The following KIF16B variants were observed in gnomAD, a reference collection of about 807,000 sequenced individuals.
KIF16B encodes the protein kinesin family member 16B.
Under a neutral mutation model 156.3 loss-of-function variants are expected in KIF16B, and 98 were observed. The observed-to-expected ratio is 0.63, with a 90% confidence interval of 0.53 to 0.74. The LOEUF is 0.74. KIF16B is among the 30% of genes least tolerant of loss of function. KIF16B has a pLI of 0.00. For missense variants in KIF16B, 1,421 were observed against 1,606.5 expected (o/e 0.88, Z 1.97); for synonymous variants, 564 against 583.7 (o/e 0.97, Z 0.49).
At chr20:16,446,461 G>A (rs1490235176) in intron 12 of KIF16B, among the ~76,000 whole-genome samples, 1 of 152,078 alleles carries the variant, frequency 6.6e-6, no homozygotes, top group Non-Finnish European at 1.5e-5. Context: ...ATGTTCCCCT[G>A]CACCATCTTG....
At chr20:16,515,009 G>A (rs1555791986) in intron 4 of KIF16B, among the ~76,000 whole-genome samples, 1 of 151,282 alleles carries the variant, frequency 6.6e-6, no homozygotes, top group Non-Finnish European at 1.5e-5. Flanking sequence ...TTTGGGGCAA[G>A]TATAACATTA....
chr20:16,277,701 G>A (rs145579091), intron 25 of KIF16B, among the ~76,000 whole-genome samples: 4 of 152,018 alleles, frequency 2.6e-5, no homozygotes, highest in Non-Finnish European at 4.4e-5. Flanking sequence ...AGGTCAGCAC[G>A]CTTTATAAAA....
At chr20:16,335,722 A>T (rs2122954977) in intron 24 of KIF16B, among the ~76,000 whole-genome samples, 1 of 152,338 alleles carries the variant, frequency 6.6e-6, no homozygotes, top group South Asian at 2.1e-4. Context: ...AAATGTTTAA[A>T]TTGTGTAGAA....
At chr20:16,297,047 T>A (rs76055514) in intron 25 of KIF16B, among the ~76,000 whole-genome samples, 3,673 of 152,328 alleles carry the variant, frequency 0.024, 167 homozygotes, top group African/African-American at 0.084. Flanking sequence ...TCAGTTCTTC[T>A]TGGGACTTGA....
At chr20:16,361,550 A>C (rs2064552910) in intron 22 of KIF16B, among the ~76,000 whole-genome samples, 1 of 152,224 alleles carries the variant, frequency 6.6e-6, no homozygotes, top group Non-Finnish European at 1.5e-5. Flanking sequence ...TGCTACAGAT[A>C]CATCCTGTCC....
At chr20:16,350,766 A>G (rs1226147116) in intron 23 of KIF16B, among the ~76,000 whole-genome samples, 1 of 151,826 alleles carries the variant, frequency 6.6e-6, no homozygotes, top group Admixed American at 6.6e-5. Flanking sequence ...GCACACGGTC[A>G]CTCAGTCATC....
chr20:16,505,031 C>T (rs1296616047), intron 9 of KIF16B, among the ~76,000 whole-genome samples: 1 of 152,190 alleles, frequency 6.6e-6, no homozygotes. Flanking sequence ...TACCACTCAA[C>T]TTTAAGGATT....
intron 23 of KIF16B, among the ~76,000 whole-genome samples, chr20:16,350,273 G>C (rs557470088): frequency 6.6e-6 from 1 of 152,348 alleles, no homozygotes; most frequent in Non-Finnish European, 1.5e-5. Context: ...AGCCATGTGA[G>C]AAAAGGCGGG....
At chr20:16,352,511 G>A (rs2064357262) in intron 23 of KIF16B, among the ~76,000 whole-genome samples, 1 of 152,142 alleles carries the variant, frequency 6.6e-6, no homozygotes, top group African/African-American at 2.4e-5. Flanking sequence ...TGAGCATCTG[G>A]GAACCCCCGT....
intron 22 of KIF16B, among the ~76,000 whole-genome samples, chr20:16,369,732 C>T (rs2064770921): frequency 6.6e-6 from 1 of 152,188 alleles, no homozygotes; most frequent in Admixed American, 6.5e-5. Flanking sequence ...TTTCTCTCTC[C>T]TTTTGGTTTG....
chr20:16,371,883 A>C, intron 20 of KIF16B, 122 bp from the exon 21 acceptor site: 1 of 643,398 alleles, frequency 1.6e-6, no homozygotes, highest in Non-Finnish European at 2.8e-6. Flanking sequence ...CAAACCTAAC[A>C]ACAACTTGAG....
intron 1 of KIF16B, among the ~76,000 whole-genome samples, chr20:16,547,835 G>A (rs1245998954): frequency 1.8e-4 from 28 of 152,328 alleles, no homozygotes; most frequent in Admixed American, 1.7e-3. Flanking sequence ...TCTGGTGCAT[G>A]TCCGGTAAAC....
At chr20:16,340,523 A>G (rs1308345155) in intron 23 of KIF16B, among the ~76,000 whole-genome samples, 3 of 152,216 alleles carry the variant, frequency 2.0e-5, no homozygotes, top group South Asian at 2.1e-4. Context: ...GAAGAGTTGG[A>G]AAGGGGAGCC....
chr20:16,513,684 C>A (rs867722785), intron 4 of KIF16B, among the ~76,000 whole-genome samples: 13 of 142,222 alleles, frequency 9.1e-5, no homozygotes, highest in Non-Finnish European at 1.4e-4. Context: ...AAAAAAAAAA[C>A]CACATGCTAT....
intron 12 of KIF16B, among the ~76,000 whole-genome samples, chr20:16,464,809 ATCCCAACCG>A (rs2067441888): frequency 6.6e-6 from 1 of 152,190 alleles, no homozygotes; most frequent in Admixed American, 6.5e-5. Context: ...TCATACTTGC[ATCCCAACCG>A]CCTAAAAGTG....
At chr20:16,499,146 T>C (rs2068543855) in intron 10 of KIF16B, among the ~76,000 whole-genome samples, 1 of 152,116 alleles carries the variant, frequency 6.6e-6, no homozygotes, top group South Asian at 2.1e-4. Flanking sequence ...TAGGCGTCTG[T>C]GGGACCCACC....
At chr20:16,319,254 G>T (rs1014072666) in intron 24 of KIF16B, among the ~76,000 whole-genome samples, 24 of 152,194 alleles carry the variant, frequency 1.6e-4, no homozygotes, top group African/African-American at 5.8e-4. Context: ...TAATGTACCA[G>T]TATTGGCTCA....
At chr20:16,314,077 C>T (rs1258194856) in intron 24 of KIF16B, among the ~76,000 whole-genome samples, 1 of 152,186 alleles carries the variant, frequency 6.6e-6, no homozygotes, top group Non-Finnish European at 1.5e-5. Flanking sequence ...GATGTGGTTG[C>T]TCCAGATCTT....
chr20:16,377,076 G>T (rs1276474051), intron 19 of KIF16B, among the ~76,000 whole-genome samples: 1 of 152,204 alleles, frequency 6.6e-6, no homozygotes, highest in African/African-American at 2.4e-5. Context: ...GATGGGTGAA[G>T]CTACAGTAAC....
Sources: gnomAD v4.1 joint callset for allele counts (sites outside exome capture counted in the v4.1 genomes callset) on GRCh38, gnomAD v4.1.1 for gene constraint, MANE v1.5 for transcripts, NCBI Gene and HGNC (gene_info 2026-07-23, HGNC 2026-07-21) for gene names.